The following TAOK3 variants were observed in gnomAD, a reference collection of about 807,000 sequenced individuals.
TAOK3 encodes the protein serine/threonine-protein kinase TAO3.
TAOK3 carries 40 observed loss-of-function variants against 120.4 expected under a neutral mutation model. That is an observed-to-expected ratio of 0.33 (90% confidence interval 0.26 to 0.43). TAOK3 has a LOEUF of 0.43. TAOK3 is among the 20% of genes least tolerant of loss of function. The pLI is 1.00. For missense variants in TAOK3, 821 were observed against 1,112.1 expected (o/e 0.74, Z 3.72); for synonymous variants, 355 against 387.5 (o/e 0.92, Z 0.99).
intron 1 of TAOK3, among the ~76,000 whole-genome samples, chr12:118,311,099 C>A (rs184253636): frequency 3.3e-5 from 5 of 152,232 alleles, no homozygotes; most frequent in Non-Finnish European, 7.4e-5. Flanking sequence ...TTTATACTGG[C>A]CTTTCCTTCA....
chr12:118,341,583 T>G (rs564132040), intron 1 of TAOK3, among the ~76,000 whole-genome samples: 59 of 152,308 alleles, frequency 3.9e-4, no homozygotes, highest in African/African-American at 1.4e-3. Flanking sequence ...ACTACAAATG[T>G]ATGGACACAT....
At chr12:118,237,078 A>C (rs2139899044) in intron 7 of TAOK3, among the ~76,000 whole-genome samples, 1 of 152,280 alleles carries the variant, frequency 6.6e-6, no homozygotes, top group Admixed American at 6.5e-5. Context: ...ACATTATGAT[A>C]ATTTTATTTA....
intron 1 of TAOK3, among the ~76,000 whole-genome samples, chr12:118,312,862 T>C (rs1376118491): frequency 2.0e-5 from 3 of 152,176 alleles, no homozygotes; most frequent in Non-Finnish European, 4.4e-5. Context: ...AACAAAACTA[T>C]AATGAGTGTT....
At chr12:118,325,019 T>C (rs1191230714) in intron 1 of TAOK3, among the ~76,000 whole-genome samples, 1 of 152,176 alleles carries the variant, frequency 6.6e-6, no homozygotes, top group Admixed American at 6.5e-5. Flanking sequence ...GTGCTGGGAT[T>C]ACAGGCGTGA....
intron 19 of TAOK3, among the ~76,000 whole-genome samples, chr12:118,157,772 C>G (rs1447560153): frequency 6.6e-6 from 1 of 152,228 alleles, no homozygotes; most frequent in Non-Finnish European, 1.5e-5. Flanking sequence ...CACGTAGGCA[C>G]TCAATGAATA....
At chr12:118,240,918 G>C (rs2040223016) in intron 5 of TAOK3, among the ~76,000 whole-genome samples, 1 of 150,902 alleles carries the variant, frequency 6.6e-6, no homozygotes, top group African/African-American at 2.4e-5. Flanking sequence ...AGATAATTTA[G>C]AATATGTGAT....
chr12:118,167,478 C>T (rs1243112423), intron 17 of TAOK3, among the ~76,000 whole-genome samples: 1 of 151,610 alleles, frequency 6.6e-6, no homozygotes, highest in African/African-American at 2.4e-5. Context: ...AACAAAATGT[C>T]CACCGAGAAG....
Position 118,235,625 on chromosome 12 carries a change from T to C in TAOK3, c.484A>G (p.Lys162Glu), listed in dbSNP as rs1245370902. 1 of 1,613,864 alleles carries C rather than the reference T, an allele frequency of 6.2e-7. No homozygotes were observed. Among genetic ancestry groups the C allele is most frequent in the Non-Finnish European group, 8.5e-7 (1 of 1,179,954 alleles). ...GAAGCAGATCCAAAATCAGCTAGTT[T>C]TACCTGACCTGGCTCTGTTAGAAGA... ...NILLTEPGQV[K>E]LADFGSASMA... Residue 162 changes from lysine to glutamate, a missense_variant, in exon 8 of 21, where the codon AAA (lysine) becomes GAA (glutamate). Lys to Glu is a moderately conservative substitution (Grantham distance 56). Coordinates refer to ENST00000392533, the MANE Select transcript of TAOK3 (RefSeq NM_016281.4).
intron 2 of TAOK3, among the ~76,000 whole-genome samples, chr12:118,258,644 G>A (rs2041094100): frequency 6.6e-6 from 1 of 151,780 alleles, no homozygotes; most frequent in South Asian, 2.1e-4. Flanking sequence ...TCTGGGAGGC[G>A]GAGGTTGCAG....
chr12:118,311,579 T>C (rs535199637), intron 1 of TAOK3, among the ~76,000 whole-genome samples: 56 of 152,148 alleles, frequency 3.7e-4, no homozygotes, highest in Non-Finnish European at 6.2e-4. Context: ...CTCATAGGAA[T>C]CCCAAGAGAC....
chr12:118,252,068 G>T (rs1353644410), intron 3 of TAOK3, among the ~76,000 whole-genome samples: 1 of 152,050 alleles, frequency 6.6e-6, no homozygotes, highest in African/African-American at 2.4e-5. Context: ...TGATCCACCC[G>T]CCTCGGCCTC....
At chr12:118,325,822 G>A (rs1199455042) in intron 1 of TAOK3, among the ~76,000 whole-genome samples, 1 of 152,076 alleles carries the variant, frequency 6.6e-6, no homozygotes, top group Non-Finnish European at 1.5e-5. Context: ...TGGGAATACA[G>A]GTGCCCACCA....
intron 9 of TAOK3, among the ~76,000 whole-genome samples, chr12:118,223,904 T>C (rs1014350866): frequency 5.9e-5 from 9 of 152,206 alleles, no homozygotes; most frequent in Non-Finnish European, 1.0e-4. Flanking sequence ...CCTCCCATAG[T>C]GCTGGAATTA....
intron 9 of TAOK3, among the ~76,000 whole-genome samples, chr12:118,227,727 C>A (rs1480313713): frequency 6.6e-6 from 1 of 152,196 alleles, no homozygotes; most frequent in Non-Finnish European, 1.5e-5. Flanking sequence ...GAGGGATCAT[C>A]TGCATCCCAG....
At chr12:118,227,975 A>G (rs767929065) in intron 9 of TAOK3, among the ~76,000 whole-genome samples, 14 of 152,198 alleles carry the variant, frequency 9.2e-5, no homozygotes, top group Non-Finnish European at 1.3e-4. Context: ...GTAGAATATT[A>G]TAACAGACAC....
At chr12:118,364,112 G>T (rs983509455) in intron 1 of TAOK3, among the ~76,000 whole-genome samples, 3 of 151,842 alleles carry the variant, frequency 2.0e-5, no homozygotes, top group Non-Finnish European at 4.4e-5. Context: ...CTCCAGCCTG[G>T]GCAACAAGAG....
intron 9 of TAOK3, among the ~76,000 whole-genome samples, chr12:118,227,264 A>C (rs2039551237): frequency 1.4e-5 from 2 of 146,210 alleles, no homozygotes; most frequent in South Asian, 4.4e-4. Flanking sequence ...ATAATATAAA[A>C]TTATGTTATA....
rs151303781 is a variant in TAOK3, at chr12:118,342,472, T to C, written c.-194+30176A>G. 1.1e-4 allele frequency among the ~76,000 whole-genome samples: 17 copies of C among 152,336 alleles called. No homozygotes were observed. In the East Asian group the frequency reaches 3.1e-3, roughly 28 times the overall value. ...ATTTAAAATTTGAAACAATAAAGGTTAGAAACGTGTCATCCACAGAAGCAT... is the reference window on the plus strand; with the variant it reads ...ATTTAAAATTTGAAACAATAAAGGTCAGAAACGTGTCATCCACAGAAGCAT... On this transcript the variant is annotated intron_variant, in intron 1 of 20. Transcript: ENST00000392533.
chr12:118,317,518 C>T (rs981311442), intron 1 of TAOK3, among the ~76,000 whole-genome samples: 3 of 151,738 alleles, frequency 2.0e-5, no homozygotes, highest in African/African-American at 7.3e-5. Flanking sequence ...AGGATGGTCT[C>T]GATCTCCTGA....
Sources: gnomAD v4.1 joint callset for allele counts (sites outside exome capture counted in the v4.1 genomes callset) on GRCh38, gnomAD v4.1.1 for gene constraint, MANE v1.5 for transcripts, NCBI Gene and HGNC (gene_info 2026-07-23, HGNC 2026-07-21) for gene names.